MLIP: variants seen among roughly 807,000 people sequenced by gnomAD.
MLIP encodes muscular LMNA-interacting protein.
MLIP carries 79 observed loss-of-function variants against 84.8 expected under a neutral mutation model. The observed-to-expected ratio is 0.93, with a 90% CI of 0.78 to 1.12. MLIP has a LOEUF of 1.12. Ranked by LOEUF, MLIP falls within the 50% of genes most tolerant of loss-of-function variation. MLIP has a pLI of 0.00. For synonymous variants in MLIP, 504 were observed against 463.0 expected (o/e 1.09, Z -1.14); for missense variants, 1,257 against 1,160.6 (o/e 1.08, Z -1.21).
At chr6:54,078,280 T>C (rs949632624) in intron 1 of MLIP, among the ~76,000 whole-genome samples, 4 of 152,344 alleles carry the variant, frequency 2.6e-5, no homozygotes, top group Middle Eastern at 3.4e-3. Context: ...GTTAAGAGTT[T>C]AGAAACATAG....
At chr6:54,070,567 C>G (rs1049674243) in intron 1 of MLIP, among the ~76,000 whole-genome samples, 1 of 152,100 alleles carries the variant, frequency 6.6e-6, no homozygotes, top group Non-Finnish European at 1.5e-5. Context: ...CTTGTGGAAA[C>G]TTTTTCACAG....
chr6:54,032,072 A>C (rs1360457285), intron 1 of MLIP, among the ~76,000 whole-genome samples: 1 of 152,122 alleles, frequency 6.6e-6, no homozygotes, highest in Non-Finnish European at 1.5e-5. Context: ...GAACTTTCTG[A>C]GAGTAGGTGA....
chr6:54,061,043 A>G (rs1476782861), intron 1 of MLIP, among the ~76,000 whole-genome samples: 1 of 150,000 alleles, frequency 6.7e-6, no homozygotes, highest in East Asian at 2.0e-4. Flanking sequence ...ATATCTAGTC[A>G]TAGTTGATGT....
chr6:54,131,369 C>A (rs1049632600), intron 3 of MLIP, among the ~76,000 whole-genome samples: 4 of 152,080 alleles, frequency 2.6e-5, no homozygotes, highest in African/African-American at 7.2e-5. Flanking sequence ...ATTCCAAAGA[C>A]CTTTTTTTAA....
intron 12 of MLIP, among the ~76,000 whole-genome samples, chr6:54,256,163 A>G (rs1582647160): frequency 1.3e-5 from 2 of 152,300 alleles, no homozygotes; most frequent in South Asian, 4.1e-4. Context: ...ATAGTTGGGA[A>G]CAGAGTGTAA....
intron 5 of MLIP, among the ~76,000 whole-genome samples, chr6:54,154,132 A>G (rs1216437382): frequency 6.6e-6 from 1 of 152,072 alleles, no homozygotes; most frequent in Non-Finnish European, 1.5e-5. Flanking sequence ...GAACTTCTTG[A>G]AGAGGCAGAT....
chr6:54,118,850 C>T (rs2150425935), intron 1 of MLIP, among the ~76,000 whole-genome samples: 1 of 152,100 alleles, frequency 6.6e-6, no homozygotes, highest in African/African-American at 2.4e-5. Context: ...AAAAAACAGG[C>T]AATACATCTG....
rs562122620 is a variant in MLIP at position 54,138,067 on chromosome 6, T to A, written c.1998T>A (p.Asn666Lys). The A allele has an allele frequency of 1.3e-6, 2 of 1,536,128 alleles. No individual in the cohort carries two copies. Among genetic ancestry groups the A allele is most frequent in the Admixed American group, 3.9e-5 (2 of 50,982 alleles). Reference sequence around the variant, plus strand: ...GGTCCTCCTCTCTCCCTCATGCCAATCTGCCCACCCTGGTGCCCCAGCTCA... The same window carrying A: ...GGTCCTCCTCTCTCCCTCATGCCAAACTGCCCACCCTGGTGCCCCAGCTCA... ...NLRSSSLPHA[N>K]LPTLVPQLSP... is the part of the protein sequence containing the mutation. The change falls in exon 4 of 14, where the codon AAT becomes AAA. Residue 666 changes from asparagine (N) to lysine (K), a missense_variant. Physicochemically the swap from Asn to Lys is moderately conservative, Grantham distance 94 (BLOSUM62 0). Transcript: ENST00000502396.
intron 2 of MLIP, among the ~76,000 whole-genome samples, chr6:54,123,538 T>C (rs1770649633): frequency 6.6e-6 from 1 of 152,204 alleles, no homozygotes; most frequent in Admixed American, 6.5e-5. Flanking sequence ...TTATATTTAA[T>C]CAGTGATTTG....
chr6:54,162,839 G>A (rs1774790683), intron 8 of MLIP, among the ~76,000 whole-genome samples: 2 of 151,972 alleles, frequency 1.3e-5, no homozygotes, highest in Non-Finnish European at 2.9e-5. Flanking sequence ...CATAGACACC[G>A]TGAGCGTCCT....
intron 4 of MLIP, among the ~76,000 whole-genome samples, chr6:54,142,432 T>C (rs769329359): frequency 5.3e-5 from 8 of 152,118 alleles, no homozygotes; most frequent in Non-Finnish European, 1.2e-4. Context: ...ATAGGTTTCT[T>C]TGAGAATGTA....
At chr6:54,080,614 C>T (rs1422440386) in intron 1 of MLIP, among the ~76,000 whole-genome samples, 1 of 151,004 alleles carries the variant, frequency 6.6e-6, no homozygotes, top group Non-Finnish European at 1.5e-5. Flanking sequence ...GATAAAAAGA[C>T]ATACACATTT....
chr6:54,180,943 T>G (rs1177106838), intron 9 of MLIP, among the ~76,000 whole-genome samples: 1 of 152,174 alleles, frequency 6.6e-6, no homozygotes, highest in Admixed American at 6.5e-5. Context: ...AGGTATTTTT[T>G]GTAGTCTAGA....
At chr6:54,183,696 A>G (rs1777110306) in intron 9 of MLIP, among the ~76,000 whole-genome samples, 1 of 149,334 alleles carries the variant, frequency 6.7e-6, no homozygotes, top group Non-Finnish European at 1.5e-5. Context: ...TGAGGGGCGT[A>G]TTACTAACTT....
intron 13 of MLIP, among the ~76,000 whole-genome samples, chr6:54,264,808 C>G (rs1470315826): frequency 6.6e-6 from 1 of 152,066 alleles, no homozygotes; most frequent in African/African-American, 2.4e-5. Context: ...TTACTTCTTA[C>G]TTTTTGCCTG....
chr6:54,045,058 T>C (rs1264997482), intron 1 of MLIP, among the ~76,000 whole-genome samples: 1 of 152,142 alleles, frequency 6.6e-6, no homozygotes, highest in Non-Finnish European at 1.5e-5. Context: ...TAGAAATTCA[T>C]GAGGAATGGG....
intron 11 of MLIP, among the ~76,000 whole-genome samples, chr6:54,210,315 G>A (rs1450117464): frequency 6.6e-6 from 1 of 151,500 alleles, no homozygotes; most frequent in Non-Finnish European, 1.5e-5. Context: ...TAAAGCAAGT[G>A]TGGTTTATTT....
intron 3 of MLIP, among the ~76,000 whole-genome samples, chr6:54,126,046 G>A (rs536234189): frequency 1.3e-5 from 2 of 151,880 alleles, no homozygotes; most frequent in Middle Eastern, 6.8e-3. Flanking sequence ...CTTGAAGTTC[G>A]TTCTTAGCTA....
intron 11 of MLIP, among the ~76,000 whole-genome samples, chr6:54,207,409 A>AACCC (rs1779105842): frequency 1.0e-5 from 1 of 98,592 alleles, no homozygotes; most frequent in Non-Finnish European, 2.1e-5. Context: ...TCACCTCTGC[A>AACCC]CCCCCCCCCC....
Sources: gnomAD v4.1 joint callset for allele counts (sites outside exome capture counted in the v4.1 genomes callset) on GRCh38, gnomAD v4.1.1 for gene constraint, MANE v1.5 for transcripts, NCBI Gene and HGNC (gene_info 2026-07-23, HGNC 2026-07-21) for gene names.